The following R3HDML variants were observed in gnomAD, a reference collection of about 807,000 sequenced individuals.
The protein encoded by R3HDML is R3H domain containing like, also known as peptidase inhibitor R3HDML.
In R3HDML, 21 loss-of-function variants were observed where a neutral mutation model predicts 24.2. The observed-to-expected ratio is 0.87, with a 90% confidence interval of 0.62 to 1.25. The LOEUF is 1.25. Among genes scored for constraint, R3HDML ranks in the 50% most tolerant of loss-of-function variants. The pLI is 0.00. For synonymous variants in R3HDML, 133 were observed against 131.5 expected, an observed-to-expected ratio of 1.01 and a Z score of -0.08; for missense variants, 301 against 340.3, an observed-to-expected ratio of 0.88 and a Z score of 0.91.
chr20:44,346,522 C>A (rs113856630), intron 4 of R3HDML, among the ~76,000 whole-genome samples: 1 of 152,158 alleles, frequency 6.6e-6, no homozygotes, highest in Non-Finnish European at 1.5e-5. Context: ...ATGTGGCTTA[C>A]ATCTGCCAAT....
At chr20:44,344,603 G>A (rs2062781093) in intron 3 of R3HDML, among the ~76,000 whole-genome samples, 1 of 151,858 alleles carries the variant, frequency 6.6e-6, no homozygotes, top group African/African-American at 2.4e-5. Flanking sequence ...CCAACATGAT[G>A]AAACCCCATC....
At chr20:44,345,724 C>G (rs2146112270) in intron 4 of R3HDML, among the ~76,000 whole-genome samples, 1 of 152,074 alleles carries the variant, frequency 6.6e-6, no homozygotes, top group Admixed American at 6.5e-5. Flanking sequence ...GTCACTTGAG[C>G]CCAGGAGGTT....
chr20:44,338,150 A>G (rs1178348071), intron 1 of R3HDML, among the ~76,000 whole-genome samples: 1 of 152,222 alleles, frequency 6.6e-6, no homozygotes, highest in Non-Finnish European at 1.5e-5. Context: ...AAACCAGCCT[A>G]GAGGGATGGG....
intron 4 of R3HDML, among the ~76,000 whole-genome samples, chr20:44,350,357 A>G (rs1342465398): frequency 6.6e-6 from 1 of 152,014 alleles, no homozygotes; most frequent in Non-Finnish European, 1.5e-5. Flanking sequence ...CTCTGCAAAT[A>G]AATAAAAAAT....
chr20:44,343,481 A>T lies in R3HDML; in HGVS notation c.485A>T (p.Asp162Val). Residue 162 changes from aspartate to valine, a missense_variant, in exon 3 of 5, where the codon GAT becomes GTT. Transcript: ENST00000217043. ...DCNPHCPWRC[D>V]GPTCSHYTQM... ...AACCCACACTGCCCCTGGCGCTGCG[A>T]TGGCCCCACCTGCTCCCATTATACC... 1 of 1,612,072 alleles carries T rather than the reference A, an allele frequency of 6.2e-7. No individual in the cohort carries two copies. The highest frequency in any genetic ancestry group is 1.3e-5 in the African/African-American group (1 of 74,972).
intron 4 of R3HDML, 171 bp from the exon 5 acceptor site, chr20:44,350,489 A>AAAATAAATAAATCAATAAAT: frequency 1.8e-6 from 1 of 542,522 alleles, no homozygotes; most frequent in Admixed American, 4.1e-5. Context: ...AGAGCAAAAC[A>AAAATAAATAAATCAATAAAT]AAATAAATAA....
At position 44,348,482 on chromosome 20, in the gene R3HDML, CTCCTTTCCTT is replaced by C. The variant is rs36204291; in HGVS notation, c.630-2150_630-2141del. Reference sequence around the variant, plus strand: ...TTTTCCCCTTTCTCCTTTTCCCTTTCTCCTTTCCTTTCCTTTCCTTTCCTTTCCTTTCCTT... The same window carrying C: ...TTTTCCCCTTTCTCCTTTTCCCTTTCTCCTTTCCTTTCCTTTCCTTTCCTT... On this transcript the variant is annotated intron_variant, in intron 4 of 4. Coordinates refer to ENST00000217043, the MANE Select transcript of R3HDML (RefSeq NM_178491.4). 4.0e-3 allele frequency among the ~76,000 whole-genome samples: 543 copies of C among 135,248 alleles called. 1 individual carries two copies. The highest frequency in any genetic ancestry group is 0.011 in the African/African-American group (405 of 36,372). The allele number at this position is 135,248 out of a possible 152,430, so 88.7% of individuals were successfully genotyped here.
At chr20:44,338,473 A>C (rs566756313) in intron 1 of R3HDML, among the ~76,000 whole-genome samples, 1 of 152,326 alleles carries the variant, frequency 6.6e-6, no homozygotes, top group East Asian at 1.9e-4. Flanking sequence ...GGCGGGAATA[A>C]GAGCCGGGAT....
rs1169160225 is a variant in R3HDML, at chr20:44,350,847, C to T, written c.*55C>T. The T allele has an allele frequency of 6.3e-7, 1 of 1,582,872 alleles. No homozygotes were observed. The highest frequency in any genetic ancestry group is 1.9e-5 in the Admixed American group (1 of 52,468). On this transcript the variant is annotated 3_prime_UTR_variant, in exon 5 of 5. Transcript: ENST00000217043. ...CTGGGCCTGACCCTCCATGTCCTGCCCTCAAAAAACTGGGTGGAGAAATAA... is the reference window on the plus strand; with the variant it reads ...CTGGGCCTGACCCTCCATGTCCTGCTCTCAAAAAACTGGGTGGAGAAATAA...
chr20:44,347,526 A>G (rs572655367), intron 4 of R3HDML: 1 of 152,240 alleles, frequency 6.6e-6, no homozygotes, highest in East Asian at 1.9e-4. Flanking sequence ...CCTGCCCTAG[A>G]ATTCCAAAAT....
chr20:44,337,449 G>T lies in R3HDML; in HGVS notation c.261+31G>T, dbSNP rs140736899. On this transcript the variant is annotated intron_variant, in intron 1 of 4. Coordinates refer to ENST00000217043, the MANE Select transcript of R3HDML (RefSeq NM_178491.4). This position sits in a 1 kb window ranked among gnomAD's most constrained non-coding sequence, Gnocchi z 4.7. ...TCCCCGTACCTGCCCCCCACCCCCC[G>T]CAGTGTCCCTTCCGGCAAACGCAGC... is the stretch of plus-strand genomic sequence containing the variant. The T allele has an allele frequency of 7.2e-5, 114 of 1,577,884 alleles. No individual in the cohort carries two copies. In the African/African-American group the frequency reaches 1.3e-3, roughly 19 times the overall value.
intron 3 of R3HDML, among the ~76,000 whole-genome samples, chr20:44,344,583 A>T (rs2062781020): frequency 6.6e-6 from 1 of 152,094 alleles, no homozygotes; most frequent in East Asian, 1.9e-4. Flanking sequence ...GGAGTTCAAG[A>T]CCAGCCTGGC....
chr20:44,349,146 TAAATAAAATAAAATA>T (rs202024132), intron 4 of R3HDML, among the ~76,000 whole-genome samples: 140 of 145,870 alleles, frequency 9.6e-4, no homozygotes, highest in South Asian at 1.7e-3. Context: ...TAAAATAAAA[TAAATAAAATAAAATA>T]AAATAAAATA....
chr20:44,342,241 G>A (rs895012887), intron 2 of R3HDML, among the ~76,000 whole-genome samples: 4 of 152,100 alleles, frequency 2.6e-5, no homozygotes, highest in Non-Finnish European at 4.4e-5. Flanking sequence ...TCCCATCCTC[G>A]CCATTCTGCC....
Position 44,345,343 on chromosome 20 carries a change from T to C in R3HDML, c.594T>C (p.His198=), listed in dbSNP as rs2062783449. 2 of 1,613,928 alleles carry C rather than the reference T, an allele frequency of 1.2e-6. No individual in the cohort carries two copies. Among genetic ancestry groups the C allele is most frequent in the Non-Finnish European group, 1.7e-6 (2 of 1,179,994 alleles). The change falls in exon 4 of 5, where the codon CAT becomes CAC. Residue 198 remains histidine (H), a synonymous_variant. Coordinates refer to ENST00000217043, the MANE Select transcript of R3HDML (RefSeq NM_178491.4). The part of the protein sequence containing the change: ...SSISVWGNTW[H]RAAYLVCNYA... ...TCAGTGTCTGGGGCAACACCTGGCA[T>C]CGGGCGGCATACCTGGTCTGCAACT...
In R3HDML at chr20:44,350,732, C is replaced by CAGCT; in HGVS notation, c.703_706dup (p.Cys236Ter). ...CCTCCTGTCCCCCCAGTTATCAAGG[C>CAGCT]AGCTGCAATAGCAACATGTGCTTCA... On this transcript the variant is annotated frameshift_variant, in exon 5 of 5. Coordinates refer to ENST00000217043, the MANE Select transcript of R3HDML (RefSeq NM_178491.4). LOFTEE classifies it low-confidence loss of function (END_TRUNC). 1 of 1,614,092 alleles carries CAGCT rather than the reference C, an allele frequency of 6.2e-7. No individual in the cohort carries two copies. The highest frequency in any genetic ancestry group is 8.5e-7 in the Non-Finnish European group (1 of 1,179,998).
chr20:44,340,418 A>G (rs2062769198), intron 1 of R3HDML, among the ~76,000 whole-genome samples: 1 of 152,218 alleles, frequency 6.6e-6, no homozygotes, highest in South Asian at 2.1e-4. Flanking sequence ...AAAATTATGC[A>G]TATTTTCACG....
intron 3 of R3HDML, among the ~76,000 whole-genome samples, 162 bp downstream of exon 3, chr20:44,343,671 A>G (rs983177801): frequency 3.9e-5 from 6 of 152,106 alleles, no homozygotes; most frequent in African/African-American, 1.4e-4. Context: ...CAATGAATTG[A>G]GGTGAATCTT....
intron 1 of R3HDML, among the ~76,000 whole-genome samples, chr20:44,339,355 T>C (rs2062766109): frequency 6.6e-6 from 1 of 152,268 alleles, no homozygotes; most frequent in South Asian, 2.1e-4. Flanking sequence ...ATTTGATGAA[T>C]GAACAAATCC....
Sources: gnomAD v4.1 joint callset for allele counts (sites outside exome capture counted in the v4.1 genomes callset) on GRCh38, gnomAD v4.1.1 for gene constraint, Gnocchi (gnomAD v3.1) non-coding constraint, MANE v1.5 for transcripts, NCBI Gene and HGNC (gene_info 2026-07-23, HGNC 2026-07-21) for gene names.